The following MIDN variants were observed in gnomAD, a reference collection of about 807,000 sequenced individuals.
The protein encoded by MIDN is midnolin.
In MIDN, 26 loss-of-function variants were observed where a neutral mutation model predicts 46.1. The ratio of observed to expected loss-of-function variants is 0.56; its 90% CI spans 0.41 to 0.78. The LOEUF (loss-of-function observed/expected upper bound fraction) is 0.78, where lower values mean the gene tolerates loss of function less well. MIDN is among the 30% of genes least tolerant of loss of function. MIDN has a pLI of 0.00. For missense variants in MIDN, 850 were observed against 771.8 expected (o/e 1.10, Z -1.20); for synonymous variants, 432 against 343.3 (o/e 1.26, Z -2.86).
chr19:1,253,111 C>A (rs1326802362), intron 4 of MIDN, among the ~76,000 whole-genome samples: 1 of 151,876 alleles, frequency 6.6e-6, no homozygotes, highest in African/African-American at 2.4e-5. Flanking sequence ...CCGAGTCATG[C>A]CCGCCCATTA....
chr19:1,255,376 C>T lies in MIDN; in HGVS notation c.986-46C>T, dbSNP rs376527620. On this transcript the variant is annotated intron_variant, in intron 7 of 8. Transcript: ENST00000682408. ...CCCGTGGACGCCCGTCCTGGACATG[C>T]GGGACTGTGCCCGTGCCGGGCACTC... is the stretch of plus-strand genomic sequence containing the variant. The T allele has an allele frequency of 1.8e-4, 275 of 1,531,102 alleles. No homozygotes were observed. In the Middle Eastern group the frequency reaches 2.7e-3, roughly 15 times the overall value. The allele number at this position is 1,531,102 out of a possible 1,614,324, so 94.8% of individuals were successfully genotyped here. A position where few individuals can be genotyped will look rare whatever the true frequency, so the allele number is the denominator to read the frequency against.
rs1297336519 is a variant in MIDN at position 1,257,230 on chromosome 19, A to G, written c.1494A>G (p.Pro498=). 1.9e-6 allele frequency: 3 copies of G among 1,612,162 alleles called. No homozygotes were observed. The highest frequency in any genetic ancestry group is 2.5e-6 in the Non-Finnish European group (3 of 1,179,684). ...GLDFEDSVWK[P]EVNPDIKSEF... is the part of the protein sequence containing the mutation. ...ACTTCGAGGACTCCGTGTGGAAGCC[A>G]GAAGTCAACCCTGACATCAAGTCAG... The change falls in exon 9 of 9, where the codon CCA becomes CCG. Residue 498 remains proline (P), a synonymous_variant. Transcript: ENST00000682408.
At chr19:1,250,594 G>A in intron 2 of MIDN, 65 bp downstream of exon 2, 1 of 917,098 alleles carries the variant, frequency 1.1e-6, no homozygotes, top group Non-Finnish European at 1.4e-6. Flanking sequence ...GGAACAAAGA[G>A]CGCGCCGCGC....
Position 1,250,541 on chromosome 19 carries a change from G to T in MIDN, c.233+12G>T, listed in dbSNP as rs774553606. ...CTCCACAAAGACACGTAGGTACCGC[G>T]CGCCCCCGGCCGGCCGCCCCCTCGG... On this transcript the variant is annotated intron_variant, in intron 2 of 8. Coordinates refer to ENST00000682408, the MANE Select transcript of MIDN (RefSeq NM_001388306.1). The T allele has an allele frequency of 1.7e-6, 2 of 1,205,022 alleles. No homozygotes were observed. 74.6% of individuals were successfully genotyped at this position (1,205,022 alleles called of 1,614,324 possible). A position where few individuals can be genotyped will look rare whatever the true frequency, so the allele number is the denominator to read the frequency against.
At chr19:1,256,228 A>C (rs2081197315) in intron 8 of MIDN, among the ~76,000 whole-genome samples, 1 of 152,234 alleles carries the variant, frequency 6.6e-6, no homozygotes, top group Non-Finnish European at 1.5e-5. Flanking sequence ...TCACGCCTGT[A>C]ATCCCAGCAC....
rs181565951 is a variant in MIDN, at chr19:1,257,873, C to T, written c.*601C>T. On this transcript the variant is annotated 3_prime_UTR_variant, in exon 9 of 9. Coordinates refer to ENST00000682408, the MANE Select transcript of MIDN (RefSeq NM_001388306.1). ...ACAGAAGCCAACGAGGGGACTGTTT[C>T]TCTTCCACTCCTATCCTCTTTTCTT... is the stretch of plus-strand genomic sequence containing the variant. 6.6e-6 allele frequency: 1 copy of T among 152,248 alleles called. No individual in the cohort carries two copies. Among genetic ancestry groups the T allele is most frequent in the East Asian group, 1.9e-4 (1 of 5,148 alleles). The allele number at this position is 152,248 out of a possible 1,614,324, so 9.4% of individuals were successfully genotyped here. A position where few individuals can be genotyped will look rare whatever the true frequency, so the allele number is the denominator to read the frequency against.
chr19:1,249,220 C>G (rs937014628), intron 1 of MIDN, among the ~76,000 whole-genome samples: 1 of 148,250 alleles, frequency 6.7e-6, no homozygotes, highest in African/African-American at 2.4e-5. Flanking sequence ...CGCGGGGCCC[C>G]CGGCGGCAGC....
At chr19:1,254,553 G>A in intron 6 of MIDN, 75 bp downstream of exon 6, 1 of 1,452,380 alleles carries the variant, frequency 6.9e-7, no homozygotes, top group South Asian at 1.2e-5. Flanking sequence ...GTCTTGGGGA[G>A]GACAAGGACT....
intron 4 of MIDN, among the ~76,000 whole-genome samples, chr19:1,252,746 C>G (rs530598672): frequency 1.3e-5 from 2 of 152,244 alleles, no homozygotes; most frequent in East Asian, 3.9e-4. Context: ...GGCCCGCACC[C>G]CCTTCCGCTT....
chr19:1,255,104 A>C (rs1035773745), intron 7 of MIDN, 43 bp downstream of exon 7: 1 of 1,585,688 alleles, frequency 6.3e-7, no homozygotes, highest in Non-Finnish European at 8.6e-7. Flanking sequence ...GTGTCCCGTG[A>C]CCCTGTGCAT....
At position 1,257,321 on chromosome 19, in the gene MIDN, C is replaced by T. The variant is rs779330542; in HGVS notation, c.*49C>T. 29 of 1,546,508 alleles carry T rather than the reference C, an allele frequency of 1.9e-5. No homozygotes were observed. Among genetic ancestry groups the T allele is most frequent in the South Asian group, 4.5e-5 (4 of 88,970 alleles). ...CCCCTCGCACCCCAGCCCAGGGCGG[C>T]GGGGACTCCGAGAGCCCCGGAGAGA... On this transcript the variant is annotated 3_prime_UTR_variant, in exon 9 of 9. Coordinates refer to ENST00000682408, the MANE Select transcript of MIDN (RefSeq NM_001388306.1).
rs202230582 is a variant in MIDN at position 1,252,329 on chromosome 19, C to T, written c.384+428C>T. Among the ~76,000 whole-genome samples the T allele has an allele frequency of 1.2e-4, 18 of 152,264 alleles. No homozygotes were observed. The East Asian group carries it at 2.9e-3, about 25-fold the overall frequency. Reference sequence around the variant, plus strand: ...GGGGGTGGCGGCTTGGGTGACACTCCTTCCGCCTTCCGTGACCCCCATCGT... The same window carrying T: ...GGGGGTGGCGGCTTGGGTGACACTCTTTCCGCCTTCCGTGACCCCCATCGT... On this transcript the variant is annotated intron_variant, in intron 4 of 8. Transcript: ENST00000682408.
At chr19:1,249,623 C>T (rs2081097513) in intron 1 of MIDN, among the ~76,000 whole-genome samples, 1 of 148,916 alleles carries the variant, frequency 6.7e-6, no homozygotes, top group Admixed American at 6.7e-5. Flanking sequence ...GGGGCGGGCG[C>T]GGAGAGGCGC....
Position 1,251,689 on chromosome 19 carries a change from C to T in MIDN, c.321+40C>T, listed in dbSNP as rs1415568095. On this transcript the variant is annotated intron_variant, in intron 3 of 8. Transcript: ENST00000682408. Reference sequence around the variant, plus strand: ...GGCTGCGTGCCCCCAGAGGCCCCCGCACACAGGCAGTAGCCCCTCCCTCGG... The same window carrying T: ...GGCTGCGTGCCCCCAGAGGCCCCCGTACACAGGCAGTAGCCCCTCCCTCGG... 3.2e-6 allele frequency: 5 copies of T among 1,578,472 alleles called. No individual in the cohort carries two copies. The African/African-American group carries it at 4.1e-5, about 13-fold the overall frequency.
rs755915700 is a variant in MIDN, at chr19:1,250,580, G to A, written c.233+51G>A. 9.7e-6 allele frequency: 10 copies of A among 1,035,012 alleles called. 1 individual carries two copies. In the South Asian group the frequency reaches 4.3e-4, roughly 45 times the overall value. The allele number at this position is 1,035,012 out of a possible 1,614,324, so 64.1% of individuals were successfully genotyped here. ...CCGCCCCCTCGGGCCCCGGCCCCCG[G>A]GCGGGAACAAAGAGCGCGCCGCGCG... On this transcript the variant is annotated intron_variant, in intron 2 of 8. Coordinates refer to ENST00000682408, the MANE Select transcript of MIDN (RefSeq NM_001388306.1).
intron 1 of MIDN, among the ~76,000 whole-genome samples, chr19:1,249,528 C>T (rs1396434217): frequency 6.7e-6 from 1 of 149,732 alleles, no homozygotes. Flanking sequence ...CGTCTCCAGA[C>T]CTGGGTCCCG....
In MIDN at chr19:1,254,922, G is replaced by T; in HGVS notation, c.846G>T (p.Thr282=). Residue 282 remains threonine (T), a synonymous_variant, in exon 7 of 9, where the codon ACG becomes ACT. Transcript: ENST00000682408. ...ATCAGCAGATGGACTGCTCCCCCAC[G>T]GCCAGCAGCAGTGCCAGTCCTGGTG... ...TCPEQMDCSP[T]ASSSASPGAS... is the part of the protein sequence containing the mutation. 2 of 1,607,872 alleles carry T rather than the reference G, an allele frequency of 1.2e-6. No homozygotes were observed. Among genetic ancestry groups the T allele is most frequent in the Non-Finnish European group, 1.7e-6 (2 of 1,177,038 alleles).
At chr19:1,255,280 C>T (rs1293790503) in intron 7 of MIDN, 142 bp from the exon 8 acceptor site, 4 of 1,231,256 alleles carry the variant, frequency 3.2e-6, no homozygotes, top group South Asian at 1.5e-5. Context: ...ACGTGTCCCG[C>T]TCCCGCCCCG....
At position 1,251,619 on chromosome 19, in the gene MIDN, C is replaced by G; in HGVS notation, c.291C>G (p.Thr97=). 6.2e-7 allele frequency: 1 copy of G among 1,609,678 alleles called. No individual in the cohort carries two copies. Among genetic ancestry groups the G allele is most frequent in the Non-Finnish European group, 8.5e-7 (1 of 1,178,586 alleles). Reference sequence around the variant, plus strand: ...GCGTGGGTGATGGCAGCAAGCTGACCTTGGTACCCACCGTGGAAGCGGGCC... The same window carrying G: ...GCGTGGGTGATGGCAGCAAGCTGACGTTGGTACCCACCGTGGAAGCGGGCC... ...EFGVGDGSKL[T]LVPTVEAGLM... Residue 97 remains threonine, a synonymous_variant, in exon 3 of 9, where the codon ACC becomes ACG. Transcript: ENST00000682408.
Sources: allele counts gnomAD v4.1 joint callset (sites outside exome capture counted in the v4.1 genomes callset), GRCh38; gene constraint gnomAD v4.1.1; transcripts MANE v1.5; gene names NCBI Gene and HGNC (gene_info 2026-07-23, HGNC 2026-07-21).